DNER: variants seen among roughly 807,000 people sequenced by gnomAD.
DNER encodes the protein delta/notch like EGF repeat containing, also known as delta and Notch-like epidermal growth factor-related receptor.
In DNER, 33 loss-of-function variants were observed where a neutral mutation model predicts 78.2. The ratio of observed to expected loss-of-function variants is 0.42; its 90% confidence interval spans 0.32 to 0.56. The LOEUF (loss-of-function observed/expected upper bound fraction) is 0.56, where lower values mean the gene tolerates loss of function less well. Among genes scored for constraint, DNER ranks in the 20% least tolerant of loss-of-function variants. The probability of loss-of-function intolerance (pLI) is 0.11; values close to 1 mark genes in which losing one functional copy is unlikely to be tolerated. For synonymous variants in DNER, 417 were observed against 384.8 expected (o/e 1.08, Z -0.98); for missense variants, 918 against 975.3 (o/e 0.94, Z 0.78).
intron 1 of DNER, among the ~76,000 whole-genome samples, chr2:229,626,268 C>G (rs1698342771): frequency 6.6e-6 from 1 of 152,142 alleles, no homozygotes; most frequent in Non-Finnish European, 1.5e-5. Flanking sequence ...TCTTTTGCAT[C>G]CAAAGGCTAA....
chr2:229,445,695 C>G (rs2396664), intron 8 of DNER, among the ~76,000 whole-genome samples: 52,416 of 152,034 alleles, frequency 0.34, 10,513 homozygotes, highest in East Asian at 0.54. Context: ...GAGTTTCCAG[C>G]CTGCCAGCTT....
At chr2:229,642,573 G>A (rs1437935813) in intron 1 of DNER, among the ~76,000 whole-genome samples, 2 of 152,212 alleles carry the variant, frequency 1.3e-5, no homozygotes, top group African/African-American at 2.4e-5. Flanking sequence ...CTCCTGACCA[G>A]AGAGGAACAA....
intron 8 of DNER, among the ~76,000 whole-genome samples, chr2:229,440,901 A>G (rs1430291951): frequency 5.3e-5 from 8 of 152,190 alleles, no homozygotes; most frequent in African/African-American, 1.2e-4. Flanking sequence ...CTTTATTTCT[A>G]TTGGTACTTG....
intron 11 of DNER, among the ~76,000 whole-genome samples, chr2:229,381,541 C>T (rs1239712247): frequency 1.3e-5 from 2 of 152,188 alleles, no homozygotes; most frequent in Admixed American, 1.3e-4. Context: ...GAAATTCTCA[C>T]TACCAGCACA....
At chr2:229,468,806 C>A (rs1200592438) in intron 7 of DNER, among the ~76,000 whole-genome samples, 1 of 152,146 alleles carries the variant, frequency 6.6e-6, no homozygotes, top group Non-Finnish European at 1.5e-5. Flanking sequence ...CTGGAGAAGG[C>A]ATACCACGAG....
chr2:229,477,407 C>T (rs937215269), intron 6 of DNER, among the ~76,000 whole-genome samples, 154 bp from the exon 7 acceptor site: 1 of 152,208 alleles, frequency 6.6e-6, no homozygotes, highest in Non-Finnish European at 1.5e-5. Flanking sequence ...TTTTTACAAA[C>T]TATGGTAGTT....
intron 10 of DNER, among the ~76,000 whole-genome samples, chr2:229,403,060 A>G (rs1222203050): frequency 1.3e-5 from 2 of 152,228 alleles, no homozygotes; most frequent in Non-Finnish European, 2.9e-5. Flanking sequence ...TAAGAAAGCC[A>G]GTTTAATATG....
chr2:229,468,006 G>A (rs115656231), intron 7 of DNER, among the ~76,000 whole-genome samples: 2,272 of 152,254 alleles, frequency 0.015, 68 homozygotes, highest in African/African-American at 0.052. Context: ...TGGCACAGGG[G>A]GATAAGACGA....
At chr2:229,490,975 T>C (rs1178979617) in intron 6 of DNER, among the ~76,000 whole-genome samples, 2 of 152,180 alleles carry the variant, frequency 1.3e-5, no homozygotes, top group Non-Finnish European at 2.9e-5. Context: ...GTCCTCCCTA[T>C]GTTTATTCTG....
chr2:229,711,676 AAGG>A (rs1481547959), intron 1 of DNER, among the ~76,000 whole-genome samples: 4 of 152,170 alleles, frequency 2.6e-5, no homozygotes, highest in African/African-American at 9.7e-5. Flanking sequence ...GTCTTTGGAG[AAGG>A]AGGAGTGACG....
intron 8 of DNER, among the ~76,000 whole-genome samples, chr2:229,421,532 ATATCTC>A (rs1693763222): frequency 6.7e-6 from 1 of 150,108 alleles, no homozygotes; most frequent in South Asian, 2.1e-4. Flanking sequence ...ATCTATATCT[ATATCTC>A]TATATCTATA....
intron 1 of DNER, among the ~76,000 whole-genome samples, chr2:229,713,363 A>G (rs1386030041): frequency 1.3e-5 from 2 of 152,214 alleles, no homozygotes; most frequent in Non-Finnish European, 1.5e-5. Context: ...GCTGCTGGCT[A>G]CATCCCATCG....
chr2:229,462,313 C>A (rs2112104), intron 7 of DNER, among the ~76,000 whole-genome samples: 58,288 of 151,858 alleles, frequency 0.38, 13,090 homozygotes, highest in African/African-American at 0.62. Flanking sequence ...AAGGAAAATA[C>A]AGAATAAAGT....
intron 1 of DNER, among the ~76,000 whole-genome samples, chr2:229,594,614 A>AGCAAAT (rs1559177030): frequency 1.3e-5 from 2 of 149,640 alleles, no homozygotes; most frequent in East Asian, 3.9e-4. Context: ...CAAACAAACA[A>AGCAAAT]AAAAAAAAAC....
At chr2:229,397,466 A>AAAAAAAAAAAAAAC (rs1693172278) in intron 10 of DNER, among the ~76,000 whole-genome samples, 4 of 149,968 alleles carry the variant, frequency 2.7e-5, no homozygotes, top group Non-Finnish European at 4.4e-5. Context: ...AACACTACAA[A>AAAAAAAAAAAAAAC]AAAAAAAAAA....
At chr2:229,543,383 G>C (rs1696555151) in intron 5 of DNER, among the ~76,000 whole-genome samples, 1 of 152,108 alleles carries the variant, frequency 6.6e-6, no homozygotes, top group South Asian at 2.1e-4. Context: ...CTTCTAGCTA[G>C]AGCTTACCTG....
intron 8 of DNER, among the ~76,000 whole-genome samples, chr2:229,428,305 G>C (rs1693928282): frequency 1.3e-5 from 2 of 152,082 alleles, no homozygotes; most frequent in African/African-American, 4.8e-5. Flanking sequence ...GCTGGGATGA[G>C]AGTGGTGACA....
At chr2:229,490,940 A>G (rs1471821036) in intron 6 of DNER, among the ~76,000 whole-genome samples, 4 of 152,194 alleles carry the variant, frequency 2.6e-5, no homozygotes, top group Non-Finnish European at 5.9e-5. Context: ...TTTTAAAAAT[A>G]GCCTCCTAAC....
chr2:229,615,698 C>T (rs565275355), intron 1 of DNER, among the ~76,000 whole-genome samples: 15 of 151,838 alleles, frequency 9.9e-5, no homozygotes, highest in Admixed American at 7.2e-4. Context: ...GGCAACAAAG[C>T]AAGACTCTGT....
Sources: gnomAD v4.1 joint callset for allele counts (sites outside exome capture counted in the v4.1 genomes callset) on GRCh38, gnomAD v4.1.1 for gene constraint, MANE v1.5 for transcripts, NCBI Gene and HGNC (gene_info 2026-07-23, HGNC 2026-07-21) for gene names.